CACNA2D1: variants seen among roughly 807,000 people sequenced by gnomAD.
CACNA2D1 encodes the protein voltage-dependent calcium channel subunit alpha-2/delta-1.
A neutral mutation model predicts 171.5 loss-of-function variants in CACNA2D1; 53 were observed. The ratio of observed to expected loss-of-function variants is 0.31; its 90% CI spans 0.25 to 0.39. The LOEUF is 0.39. CACNA2D1 is among the 10% of genes least tolerant of loss of function. The pLI, the probability that CACNA2D1 is intolerant of heterozygous loss-of-function variation, is 1.00. For missense variants in CACNA2D1, 903 were observed against 1,299.8 expected (o/e 0.69, Z 4.69); for synonymous variants, 442 against 443.1 (o/e 1.00, Z 0.03).
chr7:82,245,226 A>G (rs994684699), intron 3 of CACNA2D1, among the ~76,000 whole-genome samples: 10 of 152,232 alleles, frequency 6.6e-5, no homozygotes, highest in African/African-American at 2.4e-4. Flanking sequence ...GCCATGGAAT[A>G]TTAAGGTTTC....
At chr7:82,354,017 T>A (rs997218975) in intron 1 of CACNA2D1, among the ~76,000 whole-genome samples, 1 of 152,060 alleles carries the variant, frequency 6.6e-6, no homozygotes, top group African/African-American at 2.4e-5. Flanking sequence ...CTGTCTGACC[T>A]TCTCCCTCCC....
In CACNA2D1 at chr7:82,304,719, G is replaced by A. The variant is rs188871730; in HGVS notation, c.294+30416C>T. Among the ~76,000 whole-genome samples the A allele has an allele frequency of 7.2e-5, 11 of 152,218 alleles. No homozygotes were observed. In the East Asian group the frequency reaches 2.1e-3, roughly 29 times the overall value. ...AGGCTAGGAATATTTTAGGGGAGGG[G>A]TGTATAGAGAGGGGCATAAAGACAG... On this transcript the variant is annotated intron_variant, in intron 3 of 38. Coordinates refer to ENST00000356860, the MANE Select transcript of CACNA2D1 (RefSeq NM_000722.4).
intron 3 of CACNA2D1, among the ~76,000 whole-genome samples, chr7:82,219,545 A>G (rs1801529012): frequency 6.6e-6 from 1 of 152,116 alleles, no homozygotes; most frequent in Non-Finnish European, 1.5e-5. Flanking sequence ...TAAACAAAGA[A>G]TTGTAGTCTA....
intron 5 of CACNA2D1, among the ~76,000 whole-genome samples, chr7:82,134,820 A>T (rs1358343620): frequency 1.3e-5 from 2 of 152,180 alleles, no homozygotes; most frequent in African/African-American, 4.8e-5. Flanking sequence ...TAACAATATT[A>T]GAACAACTGA....
chr7:82,314,969 T>C lies in CACNA2D1; in HGVS notation c.294+20166A>G, dbSNP rs556880508. The stretch of plus-strand genomic sequence containing the variant: ...TCTCTCCTGCTCTAAAAGTTAAGCA[T>C]ATTATCTTTTTTTTTTTTTTTTTTT... On this transcript the variant is annotated intron_variant, in intron 3 of 38. Coordinates refer to ENST00000356860, the MANE Select transcript of CACNA2D1 (RefSeq NM_000722.4). Among the ~76,000 whole-genome samples, 557 of 144,652 alleles carry C rather than the reference T, an allele frequency of 3.9e-3. 2 individuals are homozygous for C. The highest frequency in any genetic ancestry group is 0.015 in the South Asian group (66 of 4,484). 94.9% of individuals were successfully genotyped at this position (144,652 alleles called of 152,430 possible).
chr7:82,295,613 C>T (rs2129420003), intron 3 of CACNA2D1, among the ~76,000 whole-genome samples: 1 of 151,964 alleles, frequency 6.6e-6, no homozygotes, highest in East Asian at 1.9e-4. Flanking sequence ...ATCTCAGCCT[C>T]CCAAAGTGTT....
intron 3 of CACNA2D1, among the ~76,000 whole-genome samples, chr7:82,269,285 T>C (rs1808319090): frequency 6.6e-6 from 1 of 152,032 alleles, no homozygotes; most frequent in African/African-American, 2.4e-5. Context: ...AAAATACCAA[T>C]CTTATTCTCC....
At chr7:82,075,937 G>A (rs1266997398) in intron 7 of CACNA2D1, among the ~76,000 whole-genome samples, 1 of 152,068 alleles carries the variant, frequency 6.6e-6, no homozygotes, top group Admixed American at 6.5e-5. Context: ...AATTTTTTTA[G>A]CAATACTTAT....
At chr7:82,159,511 A>T (rs1413265159) in intron 4 of CACNA2D1, among the ~76,000 whole-genome samples, 5 of 152,030 alleles carry the variant, frequency 3.3e-5, no homozygotes, top group African/African-American at 1.2e-4. Flanking sequence ...TGAAAGAAGA[A>T]AAACTAACCA....
At chr7:82,251,327 A>G (rs889855187) in intron 3 of CACNA2D1, among the ~76,000 whole-genome samples, 1 of 152,204 alleles carries the variant, frequency 6.6e-6, no homozygotes, top group Admixed American at 6.6e-5. Context: ...ACAATCACAA[A>G]AAGAGACACA....
At chr7:82,366,908 T>A (rs1347571534) in intron 1 of CACNA2D1, among the ~76,000 whole-genome samples, 1 of 137,008 alleles carries the variant, frequency 7.3e-6, no homozygotes, top group Non-Finnish European at 1.6e-5. Context: ...TTGACCTTTT[T>A]TTTTTTTTTT....
intron 1 of CACNA2D1, chr7:82,410,442 T>G (rs1285348280): frequency 1.2e-6 from 1 of 848,098 alleles, no homozygotes; most frequent in Non-Finnish European, 1.4e-6. Flanking sequence ...TCTTTCATTC[T>G]GATTGGCTTA....
intron 11 of CACNA2D1, among the ~76,000 whole-genome samples, chr7:82,037,588 T>C (rs1041625731): frequency 6.6e-6 from 1 of 152,176 alleles, no homozygotes; most frequent in Non-Finnish European, 1.5e-5. Context: ...AAAGAATTCC[T>C]GCTCCGGGAG....
intron 10 of CACNA2D1, among the ~76,000 whole-genome samples, chr7:82,053,973 TTCACAGAAACCACAAGAAGATA>T (rs1805516230): frequency 1.3e-5 from 2 of 152,318 alleles, no homozygotes; most frequent in Non-Finnish European, 2.9e-5. Flanking sequence ...ATTAACCTGG[TTCACAGAAACCACAAGAAGATA>T]TCCTGCAGTT....
At chr7:82,377,699 G>C (rs1392278379) in intron 1 of CACNA2D1, among the ~76,000 whole-genome samples, 1 of 152,138 alleles carries the variant, frequency 6.6e-6, no homozygotes, top group African/African-American at 2.4e-5. Flanking sequence ...TCTGCCCCTT[G>C]CCACATGATC....
intron 38 of CACNA2D1, among the ~76,000 whole-genome samples, chr7:81,954,860 C>T (rs1793036469): frequency 6.6e-6 from 1 of 152,030 alleles, no homozygotes; most frequent in African/African-American, 2.4e-5. Context: ...GTAGATACTG[C>T]ATAATAATAG....
intron 1 of CACNA2D1, among the ~76,000 whole-genome samples, chr7:82,376,574 G>C (rs892011192): frequency 6.6e-6 from 1 of 152,140 alleles, no homozygotes; most frequent in South Asian, 2.1e-4. Context: ...CATCTGAAAG[G>C]AACAGTTGCA....
chr7:82,436,428 T>C (rs1830123383), intron 1 of CACNA2D1, among the ~76,000 whole-genome samples: 2 of 152,180 alleles, frequency 1.3e-5, no homozygotes, highest in South Asian at 2.1e-4. Context: ...CAATAAACCA[T>C]TTCCCAGAAT....
At chr7:82,194,006 A>C (rs1798603591) in intron 3 of CACNA2D1, among the ~76,000 whole-genome samples, 1 of 152,162 alleles carries the variant, frequency 6.6e-6, no homozygotes, top group South Asian at 2.1e-4. Flanking sequence ...TTTTGGCATC[A>C]AAATTATAAG....
Sources: allele counts gnomAD v4.1 joint callset (sites outside exome capture counted in the v4.1 genomes callset), GRCh38; gene constraint gnomAD v4.1.1; transcripts MANE v1.5; gene names NCBI Gene and HGNC (gene_info 2026-07-23, HGNC 2026-07-21).